CELF2: variants seen among roughly 807,000 people sequenced by gnomAD.
CELF2 encodes the protein CUGBP Elav-like family member 2.
Under a neutral mutation model 62.6 loss-of-function variants are expected in CELF2, and 8 were observed. The ratio of observed to expected loss-of-function variants is 0.13; its 90% confidence interval spans 0.07 to 0.23. CELF2 has a LOEUF of 0.23. Among genes scored for constraint, CELF2 ranks in the 10% least tolerant of loss-of-function variants. CELF2 has a pLI of 1.00. For synonymous variants in CELF2, 258 were observed against 250.0 expected, an observed-to-expected ratio of 1.03 and a Z score of -0.30; for missense variants, 333 against 671.0, an observed-to-expected ratio of 0.50 and a Z score of 5.56.
chr10:10,578,041 T>C, the CELF2 span, among the ~76,000 whole-genome samples: 7 of 152,246 alleles, frequency 4.6e-5, 1 homozygote, highest in Admixed American at 2.6e-4. Context: ...GACTTTTTAA[T>C]GATCGCCATT....
rs978417304 is a variant in CELF2, at chr10:11,156,340, G to A, written c.75-9146G>A. On this transcript the variant is annotated intron_variant, in intron 1 of 12. Coordinates refer to ENST00000633077, the MANE Select transcript of CELF2 (RefSeq NM_001326342.2). The surrounding 1 kb of genome is among the most constrained non-coding windows in gnomAD (Gnocchi z 4.3). ...TTTTACTGCTTTGAAGACTTCTCGC[G>A]TGCCGTATTAAATCTATTCATTCAG... Among the ~76,000 whole-genome samples, 7 of 152,092 alleles carry A rather than the reference G, an allele frequency of 4.6e-5. No individual in the cohort carries two copies. Among genetic ancestry groups the A allele is most frequent in the Non-Finnish European group, 5.9e-5 (4 of 68,030 alleles).
At chr10:10,740,456 T>C in the CELF2 span, among the ~76,000 whole-genome samples, 1 of 151,998 alleles carries the variant, frequency 6.6e-6, no homozygotes, top group Admixed American at 6.5e-5. Flanking sequence ...ACACAGTTGG[T>C]AGGAGTGTAA....
At chr10:11,272,784 G>A (rs57563425) in intron 7 of CELF2, among the ~76,000 whole-genome samples, 2,140 of 152,282 alleles carry the variant, frequency 0.014, 45 homozygotes, top group African/African-American at 0.049. Context: ...TCTGACCCTG[G>A]CTCACCAGAG....
intron 1 of CELF2, among the ~76,000 whole-genome samples, chr10:10,907,656 TATTTTA>T (rs1261664544): frequency 1.3e-4 from 19 of 151,998 alleles, no homozygotes; most frequent in African/African-American, 3.4e-4. Context: ...TATTTTATTT[TATTTTA>T]TTTTTTTAGT....
chr10:11,317,924 A>T (rs149551413), intron 10 of CELF2: 32 of 152,320 alleles, frequency 2.1e-4, no homozygotes, highest in African/African-American at 7.2e-4. Flanking sequence ...ATGGGAATGG[A>T]GATGATAATA....
At chr10:10,860,000 G>C (rs895171488) in intron 1 of CELF2, among the ~76,000 whole-genome samples, 1 of 151,902 alleles carries the variant, frequency 6.6e-6, no homozygotes, top group African/African-American at 2.4e-5. Flanking sequence ...AAATAAAATT[G>C]GGAAAAATAC....
intron 1 of CELF2, among the ~76,000 whole-genome samples, chr10:10,890,851 C>T (rs375862643): frequency 2.7e-4 from 41 of 152,266 alleles, no homozygotes; most frequent in African/African-American, 9.1e-4. Flanking sequence ...CCCTTTTCTA[C>T]TAAAAATACA....
intron 2 of CELF2, among the ~76,000 whole-genome samples, chr10:10,971,838 C>T (rs1304179166): frequency 2.0e-5 from 3 of 152,150 alleles, no homozygotes; most frequent in African/African-American, 2.4e-5. Flanking sequence ...CCACCCACCT[C>T]GATCTCCCAA....
rs1589402602 is a variant in CELF2 at position 11,227,120 on chromosome 10, G to T, written c.354+9613G>T. On this transcript the variant is annotated intron_variant, in intron 3 of 12. Transcript: ENST00000633077. The surrounding 1 kb of genome is among the most constrained non-coding windows in gnomAD (Gnocchi z 4.8). ...TGCAACCCCAAGCTTTAGGCAGCAG[G>T]ACAAGAGGCCGAGGTTGTGAAACAA... Among the ~76,000 whole-genome samples the T allele has an allele frequency of 6.6e-6, 1 of 152,180 alleles. No homozygotes were observed. Among genetic ancestry groups the T allele is most frequent in the East Asian group, 1.9e-4 (1 of 5,196 alleles).
Position 10,886,766 on chromosome 10 carries a change from G to A in CELF2, c.54-33198G>A, listed in dbSNP as rs1488954050. Among the ~76,000 whole-genome samples the A allele has an allele frequency of 4.6e-5, 7 of 152,326 alleles. No homozygotes were observed. In the East Asian group the frequency reaches 1.3e-3, roughly 29 times the overall value. ...TGAGAGGATTTCTTGAGCCTAGGAG[G>A]TCAAGGCGGCAGTGAGCTGTGATCA... On this transcript the variant is annotated intron_variant, in intron 1 of 13. Coordinates refer to the CELF2 transcript ENST00000636488.
Position 11,270,535 on chromosome 10 carries a change from C to T in CELF2, c.619-131C>T, listed in dbSNP as rs1184029149. The T allele has an allele frequency of 1.7e-5, 12 of 715,082 alleles. No homozygotes were observed. Among genetic ancestry groups the T allele is most frequent in the African/African-American group, 1.6e-4 (9 of 54,778 alleles). 44.3% of individuals were successfully genotyped at this position (715,082 alleles called of 1,614,324 possible). A position where few individuals can be genotyped will look rare whatever the true frequency, so the allele number is the denominator to read the frequency against. Reference sequence around the variant, plus strand: ...ATTCAGAGAAGAAGGAATATCAAACCGTTTTAAACCATTTCAGCCCATTCC... The same window carrying T: ...ATTCAGAGAAGAAGGAATATCAAACTGTTTTAAACCATTTCAGCCCATTCC... On this transcript the variant is annotated intron_variant, in intron 6 of 12. Coordinates refer to ENST00000633077, the MANE Select transcript of CELF2 (RefSeq NM_001326342.2). This position sits in a 1 kb window ranked among gnomAD's most constrained non-coding sequence, Gnocchi z 5.8.
chr10:10,695,911 A>C, the CELF2 span, among the ~76,000 whole-genome samples: 43 of 151,418 alleles, frequency 2.8e-4, no homozygotes, highest in Admixed American at 8.5e-4. Context: ...CATTCTTCTA[A>C]ATTTTTTTCA....
intron 2 of CELF2, among the ~76,000 whole-genome samples, chr10:10,976,098 T>G (rs138687140): frequency 1.3e-5 from 2 of 152,238 alleles, no homozygotes; most frequent in African/African-American, 2.4e-5. Context: ...GAGTGTCTTA[T>G]GCTAACAAGC....
intron 1 of CELF2, among the ~76,000 whole-genome samples, chr10:10,830,997 A>C (rs1306140945): frequency 6.6e-6 from 1 of 152,196 alleles, no homozygotes; most frequent in Non-Finnish European, 1.5e-5. Context: ...TTTGATCTTC[A>C]AACTAGCTTA....
In CELF2 at chr10:11,321,073, G is replaced by A. The variant is rs944075779; in HGVS notation, c.1097-116G>A. The A allele has an allele frequency of 7.7e-6, 10 of 1,302,338 alleles. No homozygotes were observed. Among genetic ancestry groups the A allele is most frequent in the African/African-American group, 2.9e-5 (2 of 68,406 alleles). 80.7% of individuals were successfully genotyped at this position (1,302,338 alleles called of 1,614,324 possible). On this transcript the variant is annotated intron_variant, in intron 10 of 12. Transcript: ENST00000633077. The surrounding 1 kb of genome is among the most constrained non-coding windows in gnomAD (Gnocchi z 6.2). ...TTTAGTTTCCTGTCAGTGTAATTGTGTGCTAGCTGCATGTACTTGCTGTTG... is the reference window on the plus strand; with the variant it reads ...TTTAGTTTCCTGTCAGTGTAATTGTATGCTAGCTGCATGTACTTGCTGTTG...
chr10:11,210,018 A>AC (rs1414105262), intron 2 of CELF2, among the ~76,000 whole-genome samples: 3 of 152,292 alleles, frequency 2.0e-5, no homozygotes, highest in African/African-American at 7.2e-5. Context: ...AGGAAAAAAA[A>AC]ATAGCGGGTT....
At chr10:10,850,128 G>A (rs57628220) in intron 1 of CELF2, among the ~76,000 whole-genome samples, 2,661 of 152,174 alleles carry the variant, frequency 0.017, 42 homozygotes, top group Middle Eastern at 0.054. Flanking sequence ...CAGCCCAGGC[G>A]ACAGTGGGAG....
In CELF2 at chr10:11,227,016, C is replaced by T. The variant is rs971148232; in HGVS notation, c.354+9509C>T. Among the ~76,000 whole-genome samples the T allele has an allele frequency of 6.6e-6, 1 of 152,196 alleles. No individual in the cohort carries two copies. Among genetic ancestry groups the T allele is most frequent in the Admixed American group, 6.5e-5 (1 of 15,280 alleles). On this transcript the variant is annotated intron_variant, in intron 3 of 12. Coordinates refer to ENST00000633077, the MANE Select transcript of CELF2 (RefSeq NM_001326342.2). The surrounding 1 kb of genome is among the most constrained non-coding windows in gnomAD (Gnocchi z 4.8). ...CTCCGTCCAACTGTCCTCGCCATTGCTCTGCTTCCGTGTTCCACAGACAGG... is the reference window on the plus strand; with the variant it reads ...CTCCGTCCAACTGTCCTCGCCATTGTTCTGCTTCCGTGTTCCACAGACAGG...
At chr10:10,745,013 C>G in the CELF2 span, among the ~76,000 whole-genome samples, 1 of 151,862 alleles carries the variant, frequency 6.6e-6, no homozygotes, top group Non-Finnish European at 1.5e-5. Flanking sequence ...AGAAGCCTGA[C>G]TCGAAGGCGT....
Sources: allele counts gnomAD v4.1 joint callset (sites outside exome capture counted in the v4.1 genomes callset), GRCh38; gene constraint gnomAD v4.1.1; non-coding constraint Gnocchi (gnomAD v3.1); transcripts MANE v1.5; gene names NCBI Gene and HGNC (gene_info 2026-07-23, HGNC 2026-07-21).